The following TMEM120A variants were observed in gnomAD, a reference collection of about 807,000 sequenced individuals.
TMEM120A encodes transmembrane protein 120A.
In TMEM120A, 45 loss-of-function variants were observed where a neutral mutation model predicts 54.3. The observed-to-expected ratio is 0.83, with a 90% CI of 0.65 to 1.06. The LOEUF (loss-of-function observed/expected upper bound fraction) is 1.06, where lower values mean the gene tolerates loss of function less well. TMEM120A is among the 50% of genes least tolerant of loss of function. The pLI, the probability that TMEM120A is intolerant of heterozygous loss-of-function variation, is 0.00. For missense variants in TMEM120A, 424 were observed against 441.7 expected (o/e 0.96, Z 0.36); for synonymous variants, 204 against 178.5 (o/e 1.14, Z -1.14).
At chr7:75,987,632 G>A (rs782602753) in intron 9 of TMEM120A, 30 bp from the exon 10 acceptor site, 79 of 1,605,382 alleles carry the variant, frequency 4.9e-5, no homozygotes, top group East Asian at 6.7e-5. Flanking sequence ...GGCACAGGAC[G>A]GCCAGGGACA....
Position 75,987,083 on chromosome 7 carries a change from G to A in TMEM120A, c.*89C>T. 3.6e-6 allele frequency: 4 copies of A among 1,103,958 alleles called. No individual in the cohort carries two copies. In the South Asian group the frequency reaches 4.1e-5, roughly 11 times the overall value. 68.4% of individuals were successfully genotyped at this position (1,103,958 alleles called of 1,614,324 possible). On this transcript the variant is annotated 3_prime_UTR_variant, in exon 12 of 12. Transcript: ENST00000493111. ...CAAGGGAGAATAGAAGAGACCCCCT[G>A]ATACACGCACACTCGAGGGGCGCCT...
intron 1 of TMEM120A, among the ~76,000 whole-genome samples, chr7:75,993,147 C>T (rs1364739576): frequency 6.6e-6 from 1 of 152,164 alleles, no homozygotes; most frequent in Non-Finnish European, 1.5e-5. Context: ...CCCCACCCTA[C>T]AAGGACAGAC....
At position 75,994,574 on chromosome 7, in the gene TMEM120A, T is replaced by C. The variant is rs1554562844; in HGVS notation, c.-4A>G. ...GGCCCGGGGGCGGGGGCTGCATGGCTGCAGCGCCAGTAGCCAGTAGTGGAG... is the reference window on the plus strand; with the variant it reads ...GGCCCGGGGGCGGGGGCTGCATGGCCGCAGCGCCAGTAGCCAGTAGTGGAG... On this transcript the variant is annotated 5_prime_UTR_variant, in exon 1 of 12. Coordinates refer to ENST00000493111, the MANE Select transcript of TMEM120A (RefSeq NM_031925.3). 3.3e-6 allele frequency: 5 copies of C among 1,538,410 alleles called. No individual in the cohort carries two copies. In the Admixed American group the frequency reaches 1.0e-4, roughly 31 times the overall value.
intron 3 of TMEM120A, among the ~76,000 whole-genome samples, chr7:75,991,614 A>T (rs1789846692): frequency 6.6e-6 from 1 of 152,148 alleles, no homozygotes; most frequent in Non-Finnish European, 1.5e-5. Flanking sequence ...CATGTTGCCC[A>T]GGCGGGTCTT....
At chr7:75,987,460 ACCCAGT>A in intron 10 of TMEM120A, 32 bp from the exon 11 acceptor site, 1 of 1,560,244 alleles carries the variant, frequency 6.4e-7, no homozygotes, top group East Asian at 2.4e-5. Flanking sequence ...TACTCAGAAG[ACCCAGT>A]CCCTGCTGGA....
intron 1 of TMEM120A, 93 bp downstream of exon 1, chr7:75,994,397 C>A: frequency 8.4e-7 from 1 of 1,188,618 alleles, no homozygotes; most frequent in Admixed American, 2.1e-5. Flanking sequence ...TGACCCTTAG[C>A]TCCCCACTGC....
chr7:75,988,441 G>A lies in TMEM120A; in HGVS notation c.453C>T (p.Cys151=), dbSNP rs1383375971. ...TIILILISFT[C]RFLLNSRVTD... is the part of the protein sequence containing the mutation. ...CCCACCTGGAGTTGAGCAGGAAGCG[G>A]CAAGTGAAGGAGATGAGGATGAGGA... The change falls in exon 5 of 12, where the codon TGC becomes TGT. Residue 151 remains cysteine (C), a synonymous_variant. Coordinates refer to ENST00000493111, the MANE Select transcript of TMEM120A (RefSeq NM_031925.3). The A allele has an allele frequency of 1.9e-6, 3 of 1,611,210 alleles. No individual in the cohort carries two copies. The highest frequency in any genetic ancestry group is 1.3e-5 in the African/African-American group (1 of 74,496).
intron 1 of TMEM120A, among the ~76,000 whole-genome samples, chr7:75,994,231 C>T (rs1371596076): frequency 6.6e-6 from 1 of 152,206 alleles, no homozygotes; most frequent in Non-Finnish European, 1.5e-5. Flanking sequence ...GGGACGGGGT[C>T]GGGGTCTGGG....
chr7:75,993,859 G>A (rs1311036314), intron 1 of TMEM120A, among the ~76,000 whole-genome samples: 1 of 152,124 alleles, frequency 6.6e-6, no homozygotes. Flanking sequence ...GGGGAGCTCA[G>A]TCCAGACAAT....
rs367841388 is a variant in TMEM120A, at chr7:75,994,557, G to T, written c.14C>A (p.Pro5His). 3.2e-6 allele frequency: 5 copies of T among 1,549,748 alleles called. No individual in the cohort carries two copies. The highest frequency in any genetic ancestry group is 4.4e-6 in the Non-Finnish European group (5 of 1,147,886). The change falls in exon 1 of 12, where the codon CCC becomes CAC. Residue 5 changes from proline (P) to histidine (H), a missense_variant. Coordinates refer to ENST00000493111, the MANE Select transcript of TMEM120A (RefSeq NM_031925.3). MQPP[P>H]PGPLGDCLRD... ...CAGGCAGTCGCCCAGCGGGCCCGGG[G>T]GCGGGGGCTGCATGGCTGCAGCGCC...
intron 1 of TMEM120A, among the ~76,000 whole-genome samples, chr7:75,993,573 G>A (rs1789927196): frequency 6.6e-6 from 1 of 152,232 alleles, no homozygotes; most frequent in Non-Finnish European, 1.5e-5. Context: ...CCAATGGCAG[G>A]GGCCTTGGCA....
At chr7:75,993,330 G>A (rs782470338) in intron 1 of TMEM120A, among the ~76,000 whole-genome samples, 1 of 152,204 alleles carries the variant, frequency 6.6e-6, no homozygotes, top group Non-Finnish European at 1.5e-5. Context: ...CAGGTTAAAG[G>A]TCATCAGGTT....
At chr7:75,991,903 ACCTCCTGGACTGGGTCAGGTGTC>A (rs564932959) in intron 3 of TMEM120A, among the ~76,000 whole-genome samples, 227 of 151,616 alleles carry the variant, frequency 1.5e-3, no homozygotes, top group African/African-American at 5.3e-3. Context: ...GCCTTCTGCG[ACCTCCTGGACTGGGTCAGGTGTC>A]CCTCACTGTG....
chr7:75,993,945 C>T (rs1234517758), intron 1 of TMEM120A, among the ~76,000 whole-genome samples: 2 of 150,772 alleles, frequency 1.3e-5, no homozygotes, highest in Non-Finnish European at 3.0e-5. Flanking sequence ...AGGGCCTAGC[C>T]CCGCCCACCC....
At position 75,992,167 on chromosome 7, in the gene TMEM120A, C is replaced by T. The variant is rs1789867413; in HGVS notation, c.294G>A (p.Glu98=). The T allele has an allele frequency of 2.5e-6, 4 of 1,609,484 alleles. No homozygotes were observed. The highest frequency in any genetic ancestry group is 3.4e-6 in the Non-Finnish European group (4 of 1,177,528). Residue 98 remains glutamate (E), a synonymous_variant, in exon 3 of 12, where the codon GAG becomes GAA. Transcript: ENST00000493111. The part of the protein sequence containing the change: ...KERQGLFFDM[E]AYLPKKNGLY... ...ACCCATTCTTCTTAGGCAAATAGGC[C>T]TCCATGTCAAAGAAGAGGCCTTGGC...
At position 75,986,845 on chromosome 7, in the gene TMEM120A, T is replaced by G. The variant is rs1320680588; in HGVS notation, c.*327A>C. 5.2e-6 allele frequency: 3 copies of G among 574,332 alleles called. No homozygotes were observed. The African/African-American group carries it at 5.6e-5, about 11-fold the overall frequency. 35.6% of individuals were successfully genotyped at this position (574,332 alleles called of 1,614,324 possible). A position where few individuals can be genotyped will look rare whatever the true frequency, so the allele number is the denominator to read the frequency against. ...ACCTCTGGCCCTTGGAATAAAGTTC[T>G]GTTTTCTGTATTTGCCTGGTATTGT... On this transcript the variant is annotated 3_prime_UTR_variant, in exon 12 of 12. Transcript: ENST00000493111.
chr7:75,989,073 TGGGTGGAG>T (rs1183167613), intron 4 of TMEM120A, 84 bp downstream of exon 4: 1 of 217,666 alleles, frequency 4.6e-6, no homozygotes, highest in African/African-American at 7.4e-5. Context: ...GGGGGAAGGC[TGGGTGGAG>T]GGGTGGAGGT....
rs1554560817 is a variant in TMEM120A, at chr7:75,988,536, G to T, written c.378-20C>A. ...GCAAACCTGGGGGGCGCAGGCCGGT[G>T]AGACGGGTGGGGTGCTGGTGGGGCC... On this transcript the variant is annotated intron_variant, in intron 4 of 11. Transcript: ENST00000493111. 1 of 1,581,220 alleles carries T rather than the reference G, an allele frequency of 6.3e-7. No homozygotes were observed. Among genetic ancestry groups the T allele is most frequent in the South Asian group, 1.1e-5 (1 of 89,896 alleles).
chr7:75,994,401 C>A, intron 1 of TMEM120A, 89 bp downstream of exon 1: 1 of 1,237,438 alleles, frequency 8.1e-7, no homozygotes, highest in Non-Finnish European at 1.2e-6. Context: ...CCTTAGCTCC[C>A]CACTGCCTGA....
Sources: allele counts gnomAD v4.1 joint callset (sites outside exome capture counted in the v4.1 genomes callset), GRCh38; gene constraint gnomAD v4.1.1; transcripts MANE v1.5; gene names NCBI Gene and HGNC (gene_info 2026-07-23, HGNC 2026-07-21).